Variants in RANBP2 observed in about 807,000 individuals in gnomAD.
RANBP2 encodes the protein E3 SUMO-protein ligase RanBP2.
In RANBP2, 57 loss-of-function variants were observed where a neutral mutation model predicts 303.6. The ratio of observed to expected loss-of-function variants is 0.19; its 90% CI spans 0.15 to 0.23. RANBP2 has a LOEUF of 0.23. Among genes scored for constraint, RANBP2 ranks in the 10% least tolerant of loss-of-function variants. The pLI, the probability that RANBP2 is intolerant of heterozygous loss-of-function variation, is 1.00. For synonymous variants in RANBP2, 1,167 were observed against 1,301.5 expected (o/e 0.90, Z 2.23); for missense variants, 3,138 against 3,780.8 (o/e 0.83, Z 4.46).
chr2:109,656,538 C>T, the RANBP2 span, among the ~76,000 whole-genome samples: 1 of 152,164 alleles, frequency 6.6e-6, no homozygotes, highest in Non-Finnish European at 1.5e-5. Context: ...CAGGGTTTCA[C>T]CATGTTGGCC....
the RANBP2 span, among the ~76,000 whole-genome samples, chr2:108,813,514 G>A: frequency 5.9e-5 from 9 of 152,226 alleles, no homozygotes; most frequent in African/African-American, 4.8e-5. Flanking sequence ...TTATTGCTTA[G>A]TATGTTTTGA....
the RANBP2 span, among the ~76,000 whole-genome samples, chr2:109,364,278 T>A: frequency 6.6e-6 from 1 of 152,182 alleles, no homozygotes; most frequent in South Asian, 2.1e-4. Context: ...AATAAGCACG[T>A]CGAAGGCATT....
At chr2:109,347,338 G>T in the RANBP2 span, among the ~76,000 whole-genome samples, 4 of 152,108 alleles carry the variant, frequency 2.6e-5, no homozygotes, top group Non-Finnish European at 5.9e-5. Flanking sequence ...TTCCCTCTCT[G>T]TGCCTCAGTG....
At chr2:108,826,591 AGTTCCATTCCATT>A in the RANBP2 span, among the ~76,000 whole-genome samples, 2 of 152,208 alleles carry the variant, frequency 1.3e-5, no homozygotes, top group African/African-American at 4.8e-5. Flanking sequence ...CTGGATTCTC[AGTTCCATTCCATT>A]GTTCTATTTG....
the RANBP2 span, among the ~76,000 whole-genome samples, chr2:109,296,901 ACACAGGAGTGTGG>A: frequency 6.6e-6 from 1 of 152,120 alleles, no homozygotes; most frequent in Non-Finnish European, 1.5e-5. Context: ...TGAGTTTTAA[ACACAGGAGTGTGG>A]ATTGGGCTGC....
chr2:109,691,986 C>G, the RANBP2 span, among the ~76,000 whole-genome samples: 1 of 152,054 alleles, frequency 6.6e-6, no homozygotes, highest in African/African-American at 2.4e-5. Flanking sequence ...GTTTCACCAT[C>G]TTGGCCAGGC....
the RANBP2 span, among the ~76,000 whole-genome samples, chr2:109,468,196 C>T: frequency 1.3e-5 from 2 of 152,240 alleles, no homozygotes; most frequent in African/African-American, 4.8e-5. Flanking sequence ...CAGCCTGTGA[C>T]ACACCTAGGC....
chr2:109,509,961 G>A, the RANBP2 span, among the ~76,000 whole-genome samples: 14 of 152,308 alleles, frequency 9.2e-5, no homozygotes, highest in East Asian at 3.9e-4. Context: ...CTAAGGGATC[G>A]CAGGAAACTC....
the RANBP2 span, among the ~76,000 whole-genome samples, chr2:108,987,281 G>A: frequency 2.0e-3 from 302 of 152,366 alleles, no homozygotes; most frequent in African/African-American, 6.9e-3. Flanking sequence ...GCTTCCATCT[G>A]TGGGCCTATG....
the RANBP2 span, among the ~76,000 whole-genome samples, chr2:109,702,982 A>G: frequency 6.6e-6 from 1 of 152,144 alleles, no homozygotes; most frequent in African/African-American, 2.4e-5. Flanking sequence ...CATGATAATT[A>G]TATTACAAAA....
At chr2:109,763,146 T>G in the RANBP2 span, among the ~76,000 whole-genome samples, 1 of 149,946 alleles carries the variant, frequency 6.7e-6, no homozygotes, top group South Asian at 2.2e-4. Flanking sequence ...ATTTTATAGA[T>G]GAGGAAATAG....
chr2:108,845,667 G>A, the RANBP2 span, among the ~76,000 whole-genome samples: 2 of 149,652 alleles, frequency 1.3e-5, no homozygotes, highest in African/African-American at 4.9e-5. Context: ...CGCCTCCCGT[G>A]TTCACACCAT....
chr2:108,755,787 G>A (rs1442767566), intron 17 of RANBP2, among the ~76,000 whole-genome samples: 19 of 151,490 alleles, frequency 1.3e-4, no homozygotes, highest in Non-Finnish European at 2.5e-4. Flanking sequence ...GCAGTGGTGC[G>A]ATCTTGGCTC....
chr2:109,423,666 A>G, the RANBP2 span, among the ~76,000 whole-genome samples: 1,599 of 152,312 alleles, frequency 0.01, 27 homozygotes, highest in African/African-American at 0.032. Context: ...ACTGCCCCCA[A>G]GAGGTGTCTC....
At chr2:109,635,634 T>C in the RANBP2 span, among the ~76,000 whole-genome samples, 6 of 152,274 alleles carry the variant, frequency 3.9e-5, no homozygotes, top group East Asian at 5.8e-4. Context: ...CATAACTGGG[T>C]TGTCTGACCC....
At chr2:108,953,618 G>A in the RANBP2 span, among the ~76,000 whole-genome samples, 12 of 152,182 alleles carry the variant, frequency 7.9e-5, no homozygotes, top group Non-Finnish European at 1.2e-4. Context: ...GGTAGACCAG[G>A]ACACAACCAG....
the RANBP2 span, among the ~76,000 whole-genome samples, chr2:109,029,727 C>T: frequency 6.6e-6 from 1 of 152,162 alleles, no homozygotes; most frequent in Non-Finnish European, 1.5e-5. Flanking sequence ...GGAACAGCTG[C>T]AGGACAGGGC....
At chr2:109,692,197 C>T in the RANBP2 span, among the ~76,000 whole-genome samples, 25 of 151,804 alleles carry the variant, frequency 1.6e-4, no homozygotes, top group African/African-American at 4.8e-4. Flanking sequence ...AAGCCAGACA[C>T]GAAAGGCCAC....
At chr2:108,861,607 A>T in the RANBP2 span, among the ~76,000 whole-genome samples, 2 of 151,336 alleles carry the variant, frequency 1.3e-5, no homozygotes, top group African/African-American at 4.9e-5. Flanking sequence ...CAGCCTCCTG[A>T]GTAGCTGGGA....
Sources: allele counts gnomAD v4.1 joint callset (sites outside exome capture counted in the v4.1 genomes callset), GRCh38; gene constraint gnomAD v4.1.1; transcripts MANE v1.5; gene names NCBI Gene and HGNC (gene_info 2026-07-23, HGNC 2026-07-21).